The following MORC1 variants were observed in gnomAD, a reference collection of about 807,000 sequenced individuals.
The protein encoded by MORC1 is MORC family CW-type zinc finger 1.
Under a neutral mutation model 134.9 loss-of-function variants are expected in MORC1, and 59 were observed. The observed-to-expected ratio is 0.44, with a 90% CI of 0.35 to 0.54. The LOEUF is 0.54. Ranked by LOEUF, MORC1 falls within the 20% of genes least tolerant of loss-of-function variation. The pLI, the probability that MORC1 is intolerant of heterozygous loss-of-function variation, is 0.00. For synonymous variants in MORC1, 395 were observed against 391.7 expected, an observed-to-expected ratio of 1.01 and a Z score of -0.10; for missense variants, 947 against 1,134.5, an observed-to-expected ratio of 0.83 and a Z score of 2.37.
At position 109,057,465 on chromosome 3, in the gene MORC1, C is replaced by T. The variant is rs774589897; in HGVS notation, c.1053G>A (p.Thr351=). Residue 351 remains threonine, a synonymous_variant, in exon 13 of 28, where the codon ACG becomes ACA. Coordinates refer to ENST00000232603, the MANE Select transcript of MORC1 (RefSeq NM_014429.4). ...CGTTCACTCCATAGAACAGGGAGAG[C>T]GTTCTTGCTGTTTTTAATTCTCTAG... The part of the protein sequence containing the change: ...EKQRELKTAR[T]LSLFYGVNVE... 20 of 1,597,624 alleles carry T rather than the reference C, an allele frequency of 1.3e-5. No individual in the cohort carries two copies. The highest frequency in any genetic ancestry group is 9.4e-5 in the African/African-American group (7 of 74,286).
chr3:108,988,851 T>C (rs3804705), intron 21 of MORC1, among the ~76,000 whole-genome samples: 29,035 of 152,176 alleles, frequency 0.19, 3,294 homozygotes, highest in Middle Eastern at 0.32. Context: ...TTGTATTCTA[T>C]TGTTTAGTTC....
chr3:109,033,286 G>GAGGGAGGA (rs1409705181), intron 15 of MORC1, among the ~76,000 whole-genome samples: 2 of 136,918 alleles, frequency 1.5e-5, no homozygotes, highest in African/African-American at 5.9e-5. Flanking sequence ...AGCAAGAAAG[G>GAGGGAGGA]AGGAAGGAAG....
chr3:108,981,480 A>G (rs1346949583), intron 23 of MORC1, among the ~76,000 whole-genome samples: 1 of 152,178 alleles, frequency 6.6e-6, no homozygotes, highest in Non-Finnish European at 1.5e-5. Context: ...AACCTTCTTT[A>G]TGCTGACACT....
chr3:109,042,009 A>G (rs1266836802), intron 14 of MORC1, among the ~76,000 whole-genome samples: 1 of 152,146 alleles, frequency 6.6e-6, no homozygotes, highest in Non-Finnish European at 1.5e-5. Flanking sequence ...GTAAGCCATT[A>G]TACACCTTAT....
intron 20 of MORC1, among the ~76,000 whole-genome samples, chr3:109,002,401 G>A (rs1384220360): frequency 6.6e-6 from 1 of 152,156 alleles, no homozygotes; most frequent in East Asian, 1.9e-4. Context: ...TTGGCTACAT[G>A]CACCCTTCTC....
Position 108,958,260 on chromosome 3 carries a change from G to A in MORC1, c.*705C>T, listed in dbSNP as rs997898978. 2 of 150,944 alleles carry A rather than the reference G, an allele frequency of 1.3e-5. No homozygotes were observed. The highest frequency in any genetic ancestry group is 1.3e-4 in the Admixed American group (2 of 15,134). 9.4% of individuals were successfully genotyped at this position (150,944 alleles called of 1,614,324 possible). A position where few individuals can be genotyped will look rare whatever the true frequency, so the allele number is the denominator to read the frequency against. On this transcript the variant is annotated 3_prime_UTR_variant, in exon 28 of 28. Coordinates refer to ENST00000232603, the MANE Select transcript of MORC1 (RefSeq NM_014429.4). Reference sequence around the variant, plus strand: ...ACAGTTTCACAAATGAATATTAAATGTTTTACTGTTTTTGTCTAAAGTTTC... The same window carrying A: ...ACAGTTTCACAAATGAATATTAAATATTTTACTGTTTTTGTCTAAAGTTTC...
At chr3:109,061,804 C>T (rs1950089560) in intron 11 of MORC1, among the ~76,000 whole-genome samples, 184 bp downstream of exon 11, 1 of 152,162 alleles carries the variant, frequency 6.6e-6, no homozygotes, top group Non-Finnish European at 1.5e-5. Context: ...CCCCGACTTG[C>T]TGAGTTTCCT....
chr3:108,997,918 A>G (rs1040115313), intron 21 of MORC1, among the ~76,000 whole-genome samples: 2 of 152,248 alleles, frequency 1.3e-5, no homozygotes, highest in African/African-American at 4.8e-5. Context: ...TTATTAACAT[A>G]GCAAAAACAA....
Position 109,118,001 on chromosome 3 carries a change from G to C in MORC1, c.59C>G (p.Ala20Gly), listed in dbSNP as rs774417620. ...ACCCCACCTCGGCACTCACGAGTTGGCGTGGATGAAATCCAGACGCAGCTG... is the reference window on the plus strand; with the variant it reads ...ACCCCACCTCGGCACTCACGAGTTGCCGTGGATGAAATCCAGACGCAGCTG... ...RAQLRLDFIH[A>G]NSTTHSFLFG... The change falls in exon 1 of 28, where the codon GCC becomes GGC. Residue 20 changes from alanine to glycine, a missense_variant. By Grantham distance (60) the Ala-to-Gly change is moderately conservative. Around this residue, in one of 3 missense-constraint regions of MORC1, gnomAD observed 214 missense variants for 281.3 expected, o/e 0.76. Transcript: ENST00000232603. 6.2e-7 allele frequency: 1 copy of C among 1,603,730 alleles called. No individual in the cohort carries two copies. Among genetic ancestry groups the C allele is most frequent in the African/African-American group, 1.3e-5 (1 of 74,840 alleles).
Position 108,985,248 on chromosome 3 carries a change from T to C in MORC1, c.2258-466A>G, listed in dbSNP as rs16855115. Among the ~76,000 whole-genome samples, 470 of 152,334 alleles carry C rather than the reference T, an allele frequency of 3.1e-3. 6 individuals are homozygous for C. The highest frequency in any genetic ancestry group is 0.022 in the East Asian group (112 of 5,182). On this transcript the variant is annotated intron_variant, in intron 22 of 27. Coordinates refer to ENST00000232603, the MANE Select transcript of MORC1 (RefSeq NM_014429.4). ...AAGAGACCTAGAGTCATTTAGTTAGTCTTCTCACTCAGAGGACCTCAGAAT... is the reference window on the plus strand; with the variant it reads ...AAGAGACCTAGAGTCATTTAGTTAGCCTTCTCACTCAGAGGACCTCAGAAT...
rs961710896 is a variant in MORC1 at position 108,992,797 on chromosome 3, C to G, written c.2188-5848G>C. Among the ~76,000 whole-genome samples, 22 of 152,180 alleles carry G rather than the reference C, an allele frequency of 1.4e-4. 1 individual carries two copies. The highest frequency in any genetic ancestry group is 5.3e-4 in the African/African-American group (22 of 41,446). ...TCACTTTTGGCAGTGCCCCTCTCCT[C>G]TTCTATCTTCCACATAAGCTCACTC... On this transcript the variant is annotated intron_variant, in intron 21 of 27. Transcript: ENST00000232603.
At chr3:108,959,193 C>T (rs549484598) in intron 27 of MORC1, 73 bp from the exon 28 acceptor site, 13 of 1,325,208 alleles carry the variant, frequency 9.8e-6, no homozygotes, top group Middle Eastern at 2.5e-4. Context: ...GGGCAGCCTC[C>T]TAACAGTCTT....
intron 14 of MORC1, among the ~76,000 whole-genome samples, chr3:109,051,154 C>T (rs1194129882): frequency 1.3e-5 from 2 of 152,194 alleles, no homozygotes; most frequent in African/African-American, 4.8e-5. Flanking sequence ...GAAAATATTT[C>T]TGAGATTGTT....
intron 20 of MORC1, 144 bp downstream of exon 20, chr3:109,004,673 C>T: frequency 1.3e-6 from 1 of 779,500 alleles, no homozygotes; most frequent in Non-Finnish European, 2.0e-6. Flanking sequence ...CCAGTTTTTT[C>T]AGAACCTTGA....
chr3:109,069,217 A>G (rs1403390611), intron 9 of MORC1, among the ~76,000 whole-genome samples: 1 of 152,150 alleles, frequency 6.6e-6, no homozygotes, highest in Non-Finnish European at 1.5e-5. Context: ...ACAAAATATA[A>G]ATCAACCAGA....
intron 17 of MORC1, 70 bp from the exon 18 acceptor site, chr3:109,007,161 T>C: frequency 8.5e-7 from 1 of 1,173,796 alleles, no homozygotes; most frequent in East Asian, 2.4e-5. Flanking sequence ...AGGGTAATAA[T>C]TCAGCATTCT....
At chr3:109,031,194 G>C (rs534433719) in intron 16 of MORC1, among the ~76,000 whole-genome samples, 47 of 152,202 alleles carry the variant, frequency 3.1e-4, no homozygotes, top group South Asian at 6.2e-4. Context: ...GAAATCCTAG[G>C]GATAGGGTTA....
At position 108,968,408 on chromosome 3, in the gene MORC1, CTG is replaced by C. The variant is rs1415382680; in HGVS notation, c.2604+1259_2604+1260del. Among the ~76,000 whole-genome samples the C allele has an allele frequency of 2.0e-5, 3 of 152,310 alleles. No individual in the cohort carries two copies. In the East Asian group the frequency reaches 5.8e-4, roughly 29 times the overall value. On this transcript the variant is annotated intron_variant, in intron 26 of 27. Coordinates refer to ENST00000232603, the MANE Select transcript of MORC1 (RefSeq NM_014429.4). ...TTAGGCCCAGTCTGAACTTTAAATA[CTG>C]TGTGATACAGTCTTTGTAAGAAGGA...
chr3:109,033,307 AG>A, intron 15 of MORC1, among the ~76,000 whole-genome samples: 1 of 90,708 alleles, frequency 1.1e-5, no homozygotes, highest in East Asian at 1.5e-3. Flanking sequence ...GAAGGAAGGA[AG>A]GAAGGAAGGA....
Sources: gnomAD v4.1 joint callset for allele counts (sites outside exome capture counted in the v4.1 genomes callset) on GRCh38, gnomAD v4.1.1 for gene constraint, gnomAD v4.1.1 regional missense constraint, MANE v1.5 for transcripts, NCBI Gene and HGNC (gene_info 2026-07-23, HGNC 2026-07-21) for gene names.